The following PAGE2B variants were observed in gnomAD, a reference collection of about 807,000 sequenced individuals.
The protein encoded by PAGE2B is PAGE family member 2B.
Under a neutral mutation model 7.6 loss-of-function variants are expected in PAGE2B, and 5 were observed. The observed-to-expected ratio is 0.66, with a 90% confidence interval of 0.34 to 1.38. The LOEUF (loss-of-function observed/expected upper bound fraction) is 1.38, where lower values mean the gene tolerates loss of function less well. PAGE2B is among the 40% of genes most tolerant of loss of function. The probability of loss-of-function intolerance (pLI) is 0.04; values close to 1 mark genes in which losing one functional copy is unlikely to be tolerated. For synonymous variants in PAGE2B, 29 were observed against 26.7 expected, an observed-to-expected ratio of 1.09 and a Z score of -0.27; for missense variants, 70 against 78.4, an observed-to-expected ratio of 0.89 and a Z score of 0.41.
At chrX:55,052,091 A>C in the PAGE2B span, among the ~76,000 whole-genome samples, 3 of 111,934 alleles carry the variant, frequency 2.7e-5, no homozygotes, top group African/African-American at 3.3e-5. Context: ...CCCTGTTTGC[A>C]TGGGTATCAG....
chrX:55,041,774 G>A, the PAGE2B span, among the ~76,000 whole-genome samples: 2 of 111,572 alleles, frequency 1.8e-5, no homozygotes, highest in Non-Finnish European at 3.8e-5. Context: ...ACATCGGCAG[G>A]ACATCAGAGG....
the PAGE2B span, among the ~76,000 whole-genome samples, chrX:55,028,581 G>A: frequency 1.8e-5 from 2 of 111,501 alleles, no homozygotes; most frequent in Non-Finnish European, 3.8e-5. Flanking sequence ...TTTTGGCCAT[G>A]ATATGCTCAG....
chrX:55,073,032 C>A (rs752317290), upstream of PAGE2B, among the ~76,000 whole-genome samples: 1 of 111,567 alleles, frequency 9.0e-6, no homozygotes, highest in Admixed American at 9.5e-5. Context: ...ATGAGCAAGA[C>A]CACCTGGTTC....
the PAGE2B span, among the ~76,000 whole-genome samples, chrX:55,061,608 C>T: frequency 2.9e-3 from 323 of 111,127 alleles, 1 homozygote; most frequent in African/African-American, 9.9e-3. Flanking sequence ...TAATTATACT[C>T]TTTTAGTTAT....
the PAGE2B span, among the ~76,000 whole-genome samples, chrX:55,043,594 C>T: frequency 9.0e-6 from 1 of 111,514 alleles, no homozygotes; most frequent in East Asian, 2.8e-4. Flanking sequence ...CTCAACATCA[C>T]TAATTATCAG....
the PAGE2B span, among the ~76,000 whole-genome samples, chrX:55,057,661 C>T: frequency 8.9e-6 from 1 of 111,771 alleles, no homozygotes; most frequent in East Asian, 2.8e-4. Flanking sequence ...TTAAAAGCAA[C>T]AGAGAGATAA....
upstream of PAGE2B, among the ~76,000 whole-genome samples, chrX:55,074,722 G>A (rs1037059173): frequency 1.8e-5 from 2 of 112,662 alleles, no homozygotes; most frequent in African/African-American, 6.4e-5. Context: ...AAATATTTAA[G>A]ATTTATTTCT....
At chrX:55,072,692 C>A (rs1455065431), upstream of PAGE2B, among the ~76,000 whole-genome samples, 1 of 112,709 alleles carries the variant, frequency 8.9e-6, no homozygotes, top group East Asian at 2.8e-4. Flanking sequence ...CCCAGTTGCT[C>A]TATCCCAGGG....
chrX:55,034,425 A>T, the PAGE2B span, among the ~76,000 whole-genome samples: 1 of 111,258 alleles, frequency 9.0e-6, no homozygotes, highest in Non-Finnish European at 1.9e-5. Context: ...TTTTTAAAAA[A>T]CTTCTTCCCA....
chrX:55,072,064 C>T (rs1936455284), upstream of PAGE2B, among the ~76,000 whole-genome samples: 1 of 112,077 alleles, frequency 8.9e-6, no homozygotes, highest in East Asian at 2.8e-4. Context: ...GTCAGTTTGT[C>T]AACCTCATTC....
At chrX:55,049,291 G>A in the PAGE2B span, among the ~76,000 whole-genome samples, 1 of 111,578 alleles carries the variant, frequency 9.0e-6, no homozygotes, top group Non-Finnish European at 1.9e-5. Flanking sequence ...TCTCTGCCAG[G>A]CTTTGGTATC....
the PAGE2B span, among the ~76,000 whole-genome samples, chrX:55,048,717 G>T: frequency 9.0e-6 from 1 of 111,289 alleles, no homozygotes; most frequent in Non-Finnish European, 1.9e-5. Flanking sequence ...TGAGATGATG[G>T]GGTTTTCTAG....
chrX:55,048,518 C>T, the PAGE2B span, among the ~76,000 whole-genome samples: 1 of 111,648 alleles, frequency 9.0e-6, no homozygotes, highest in Non-Finnish European at 1.9e-5. Flanking sequence ...AGAAGTCCTT[C>T]ACATCCCTTG....
upstream of PAGE2B, among the ~76,000 whole-genome samples, chrX:55,070,724 G>T (rs1936441033): frequency 9.0e-6 from 1 of 111,563 alleles, no homozygotes; most frequent in Non-Finnish European, 1.9e-5. Flanking sequence ...CTTCTGTATT[G>T]GGTGCATATA....
At chrX:55,037,274 T>C in the PAGE2B span, among the ~76,000 whole-genome samples, 2,311 of 111,944 alleles carry the variant, frequency 0.021, 70 homozygotes, top group African/African-American at 0.072. Flanking sequence ...AAGAAGACAT[T>C]TATGCAGCCA....
the PAGE2B span, among the ~76,000 whole-genome samples, chrX:55,062,465 G>A: frequency 1.8e-5 from 2 of 111,687 alleles, no homozygotes; most frequent in African/African-American, 6.5e-5. Flanking sequence ...ATTTCCTATA[G>A]AGTTCTTTGA....
At chrX:55,047,084 C>G in the PAGE2B span, among the ~76,000 whole-genome samples, 24 of 110,239 alleles carry the variant, frequency 2.2e-4, no homozygotes, top group Non-Finnish European at 3.6e-4. Flanking sequence ...CCCCCTCCCC[C>G]CATCCCACAA....
the PAGE2B span, among the ~76,000 whole-genome samples, chrX:55,051,206 G>C: frequency 9.0e-6 from 1 of 111,413 alleles, no homozygotes; most frequent in African/African-American, 3.3e-5. Context: ...TTCCCTTTGT[G>C]GGTCACCCGA....
At chrX:55,061,038 GTCT>G in the PAGE2B span, among the ~76,000 whole-genome samples, 1 of 110,758 alleles carries the variant, frequency 9.0e-6, no homozygotes, top group Non-Finnish European at 1.9e-5. Flanking sequence ...AAATCACATG[GTCT>G]TCTTATTTGA....
Sources: gnomAD v4.1 joint callset for allele counts (sites outside exome capture counted in the v4.1 genomes callset) on GRCh38, gnomAD v4.1.1 for gene constraint, MANE v1.5 for transcripts, NCBI Gene and HGNC (gene_info 2026-07-23, HGNC 2026-07-21) for gene names.